Variants in PRR5L observed in about 807,000 individuals in gnomAD.
PRR5L encodes the protein proline rich 5 like.
Under a neutral mutation model 36.4 loss-of-function variants are expected in PRR5L, and 21 were observed. The observed-to-expected ratio is 0.58, with a 90% confidence interval of 0.41 to 0.83. The LOEUF (loss-of-function observed/expected upper bound fraction) is 0.83. Among genes scored for constraint, PRR5L ranks in the 40% least tolerant of loss-of-function variants. PRR5L has a pLI of 0.00. For missense variants in PRR5L, 381 were observed against 473.3 expected (o/e 0.80, Z 1.81); for synonymous variants, 188 against 197.0 (o/e 0.95, Z 0.38).
intron 5 of PRR5L, among the ~76,000 whole-genome samples, chr11:36,433,280 G>A (rs561889452): frequency 8.6e-5 from 13 of 151,836 alleles, no homozygotes; most frequent in African/African-American, 2.2e-4. Flanking sequence ...CTCAGCCCCC[G>A]ACAGCCACCA....
chr11:36,306,422 T>C (rs1856432673), intron 1 of PRR5L, among the ~76,000 whole-genome samples: 1 of 152,190 alleles, frequency 6.6e-6, no homozygotes, highest in Non-Finnish European at 1.5e-5. Context: ...ACTCATCCTT[T>C]TTTATGGCTG....
chr11:36,376,013 TG>T, intron 1 of PRR5L: 1 of 452,404 alleles, frequency 2.2e-6, no homozygotes, highest in Non-Finnish European at 3.9e-6. Flanking sequence ...GCGGGGCAGC[TG>T]GGCCGGGGGC....
At chr11:36,366,408 G>A (rs945464764) in intron 1 of PRR5L, among the ~76,000 whole-genome samples, 4 of 140,364 alleles carry the variant, frequency 2.8e-5, no homozygotes, top group Non-Finnish European at 6.5e-5. Context: ...TTGTGTGTGT[G>A]TGTGTGAGAG....
intron 1 of PRR5L, among the ~76,000 whole-genome samples, chr11:36,341,466 T>A (rs1361038539): frequency 6.6e-6 from 1 of 152,142 alleles, no homozygotes; most frequent in Non-Finnish European, 1.5e-5. Context: ...ATAGTTAAGA[T>A]GATCATAGGA....
At chr11:36,460,665 C>T (rs1204934575) in intron 8 of PRR5L, among the ~76,000 whole-genome samples, 1 of 152,366 alleles carries the variant, frequency 6.6e-6, no homozygotes, top group East Asian at 1.9e-4. Context: ...GCTTTCCTCG[C>T]TGCTGGCCTC....
intron 1 of PRR5L, among the ~76,000 whole-genome samples, chr11:36,315,078 G>C (rs963654991): frequency 6.6e-6 from 1 of 152,134 alleles, no homozygotes; most frequent in Non-Finnish European, 1.5e-5. Context: ...TTTATGATGT[G>C]TGTATAAGGA....
intron 3 of PRR5L, among the ~76,000 whole-genome samples, chr11:36,405,149 G>C (rs1049941434): frequency 7.2e-5 from 11 of 152,258 alleles, no homozygotes; most frequent in Non-Finnish European, 1.6e-4. Context: ...GGTAGCCCAG[G>C]AGCTGCTAAC....
intron 1 of PRR5L, among the ~76,000 whole-genome samples, chr11:36,378,468 A>G (rs56899286): frequency 0.036 from 5,480 of 152,240 alleles, 343 homozygotes; most frequent in African/African-American, 0.12. Context: ...TTCTTTGAGT[A>G]TGTTACTGAT....
chr11:36,415,857 A>C (rs112253485), intron 3 of PRR5L, among the ~76,000 whole-genome samples: 2 of 152,274 alleles, frequency 1.3e-5, no homozygotes, highest in Non-Finnish European at 2.9e-5. Flanking sequence ...AAACCCCTTC[A>C]TATAGTAATA....
chr11:36,364,444 G>A (rs1435682093), intron 1 of PRR5L, among the ~76,000 whole-genome samples: 1 of 152,104 alleles, frequency 6.6e-6, no homozygotes, highest in Non-Finnish European at 1.5e-5. Context: ...CTTAATTAGA[G>A]GTTAAGTCAC....
chr11:36,376,842 A>G (rs1857272334), intron 1 of PRR5L: 3 of 532,042 alleles, frequency 5.6e-6, no homozygotes, highest in Non-Finnish European at 7.2e-6. Flanking sequence ...GAAAAGTGTC[A>G]CGTTTGGGGG....
chr11:36,428,930 T>G (rs331447), intron 4 of PRR5L, among the ~76,000 whole-genome samples: 2,309 of 152,354 alleles, frequency 0.015, 43 homozygotes, highest in East Asian at 0.037. Flanking sequence ...AGTTTGTGTT[T>G]CTCTTATTTT....
At chr11:36,333,702 C>T (rs12419869) in intron 1 of PRR5L, among the ~76,000 whole-genome samples, 15,709 of 152,062 alleles carry the variant, frequency 0.1, 1,556 homozygotes, top group African/African-American at 0.27. Context: ...AGTGGATCAG[C>T]GATTGCCTCA....
chr11:36,450,477 A>C (rs1858920129), intron 7 of PRR5L, among the ~76,000 whole-genome samples: 1 of 152,192 alleles, frequency 6.6e-6, no homozygotes, highest in Non-Finnish European at 1.5e-5. Flanking sequence ...AACATTGGTT[A>C]CTGGCTCCTT....
At chr11:36,439,475 A>C (rs1858675496) in intron 6 of PRR5L, among the ~76,000 whole-genome samples, 1 of 152,120 alleles carries the variant, frequency 6.6e-6, no homozygotes, top group Admixed American at 6.5e-5. Flanking sequence ...CTCACTCCCC[A>C]ATGACTGACT....
At chr11:36,389,187 G>GC (rs1857516359) in intron 1 of PRR5L, among the ~76,000 whole-genome samples, 1 of 53,106 alleles carries the variant, frequency 1.9e-5, no homozygotes, top group Admixed American at 2.1e-4. Flanking sequence ...AAATACATTT[G>GC]TTGGTCAGAG....
intron 6 of PRR5L, among the ~76,000 whole-genome samples, chr11:36,445,263 G>A (rs971586695): frequency 1.3e-5 from 2 of 152,168 alleles, no homozygotes; most frequent in South Asian, 2.1e-4. Flanking sequence ...AGGAACAACC[G>A]GCTTTTAGTG....
intron 8 of PRR5L, among the ~76,000 whole-genome samples, chr11:36,460,536 TCAC>T (rs1424414210): frequency 6.6e-6 from 1 of 152,186 alleles, no homozygotes; most frequent in African/African-American, 2.4e-5. Context: ...CTTACTGTCA[TCAC>T]CACAACTCCA....
chr11:36,322,885 T>C (rs1856626593), intron 1 of PRR5L, among the ~76,000 whole-genome samples: 1 of 152,102 alleles, frequency 6.6e-6, no homozygotes, highest in Non-Finnish European at 1.5e-5. Context: ...GAAAATGTCG[T>C]GGGAGGTTGG....
Sources: allele counts gnomAD v4.1 joint callset (sites outside exome capture counted in the v4.1 genomes callset), GRCh38; gene constraint gnomAD v4.1.1; transcripts MANE v1.5; gene names NCBI Gene and HGNC (gene_info 2026-07-23, HGNC 2026-07-21).